The following ATRNL1 variants were observed in gnomAD, a reference collection of about 807,000 sequenced individuals.
ATRNL1 encodes attractin-like protein 1.
In ATRNL1, 95 loss-of-function variants were observed where a neutral mutation model predicts 182.7. The ratio of observed to expected loss-of-function variants is 0.52; its 90% CI spans 0.44 to 0.62. ATRNL1 has a LOEUF of 0.62. ATRNL1 is among the 20% of genes least tolerant of loss of function. The pLI is 0.00. For synonymous variants in ATRNL1, 576 were observed against 568.3 expected (o/e 1.01, Z -0.19); for missense variants, 1,471 against 1,679.5 (o/e 0.88, Z 2.17).
chr10:115,727,501 A>G, intron 27 of ATRNL1, 146 bp downstream of exon 27: 1 of 647,632 alleles, frequency 1.5e-6, no homozygotes, highest in Non-Finnish European at 2.7e-6. Flanking sequence ...GCCATTTTCA[A>G]GGCACATAGT....
In ATRNL1 at chr10:115,735,355, AT is replaced by A. The variant is rs527930413; in HGVS notation, c.3903+8002del. Among the ~76,000 whole-genome samples the A allele has an allele frequency of 1.5e-3, 230 of 152,298 alleles. 10 individuals carry two copies. The South Asian group carries it at 0.046, about 31-fold the overall frequency. ...TTCAGTGGGAGGGTCACACTCACACATTGTGTTCACGTGAAAATTGTTCTGA... is the reference window on the plus strand; with the variant it reads ...TTCAGTGGGAGGGTCACACTCACACATGTGTTCACGTGAAAATTGTTCTGA... On this transcript the variant is annotated intron_variant, in intron 27 of 28. Transcript: ENST00000355044.
chr10:115,641,217 CATTAT>C (rs1338592175), intron 26 of ATRNL1, among the ~76,000 whole-genome samples: 5 of 152,140 alleles, frequency 3.3e-5, no homozygotes, highest in Non-Finnish European at 7.4e-5. Flanking sequence ...ATAGTTGTAA[CATTAT>C]ATTAAAGCTT....
At chr10:115,609,351 C>T (rs764071430) in intron 26 of ATRNL1, among the ~76,000 whole-genome samples, 4 of 152,158 alleles carry the variant, frequency 2.6e-5, no homozygotes, top group Non-Finnish European at 4.4e-5. Context: ...CAAGGAAAGA[C>T]ACTCTGCTCT....
At chr10:115,288,858 T>G (rs2133945323) in intron 15 of ATRNL1, among the ~76,000 whole-genome samples, 1 of 152,250 alleles carries the variant, frequency 6.6e-6, no homozygotes, top group East Asian at 1.9e-4. Context: ...GTTCAGATCA[T>G]TTGTTCTTTT....
chr10:115,212,636 G>T (rs114165270), intron 8 of ATRNL1, among the ~76,000 whole-genome samples: 2 of 151,924 alleles, frequency 1.3e-5, no homozygotes, highest in African/African-American at 4.8e-5. Context: ...AGAAAATGTC[G>T]TACATATACA....
intron 5 of ATRNL1, among the ~76,000 whole-genome samples, chr10:115,151,740 G>T (rs1281886975): frequency 5.3e-5 from 8 of 152,128 alleles, no homozygotes; most frequent in Non-Finnish European, 1.2e-4. Flanking sequence ...TGTCAATTTT[G>T]GCTTTTGTTG....
At chr10:115,818,860 G>A (rs781834827) in intron 27 of ATRNL1, among the ~76,000 whole-genome samples, 32 of 152,014 alleles carry the variant, frequency 2.1e-4, no homozygotes, top group Admixed American at 1.3e-4. Flanking sequence ...CTAGTCACTG[G>A]CAAGACAAGG....
chr10:115,345,666 A>G (rs1855943313), intron 19 of ATRNL1, among the ~76,000 whole-genome samples: 1 of 152,174 alleles, frequency 6.6e-6, no homozygotes, highest in African/African-American at 2.4e-5. Context: ...GGAACCTTCT[A>G]TTCTGCTATC....
intron 26 of ATRNL1, among the ~76,000 whole-genome samples, chr10:115,558,814 C>G (rs1853482466): frequency 6.6e-6 from 1 of 151,906 alleles, no homozygotes; most frequent in South Asian, 2.1e-4. Flanking sequence ...TCTACTAATT[C>G]TCAGTAAGAA....
chr10:115,427,084 A>G (rs1845939207), intron 21 of ATRNL1, among the ~76,000 whole-genome samples: 1 of 152,190 alleles, frequency 6.6e-6, no homozygotes, highest in Non-Finnish European at 1.5e-5. Flanking sequence ...ACCATTTTAC[A>G]TTCCCACCAG....
chr10:115,394,591 A>T, intron 19 of ATRNL1, 68 bp from the exon 20 acceptor site: 1 of 1,200,750 alleles, frequency 8.3e-7, no homozygotes, highest in South Asian at 1.2e-5. Context: ...TAATAATAAT[A>T]CTTGAAATGT....
At chr10:115,272,687 T>G (rs1477071667) in intron 13 of ATRNL1, among the ~76,000 whole-genome samples, 2 of 152,198 alleles carry the variant, frequency 1.3e-5, no homozygotes, top group African/African-American at 4.8e-5. Flanking sequence ...GACTCAGAGC[T>G]TATATGGCTT....
At chr10:115,330,625 G>C (rs1425422282) in intron 18 of ATRNL1, among the ~76,000 whole-genome samples, 1 of 147,978 alleles carries the variant, frequency 6.8e-6, no homozygotes, top group Non-Finnish European at 1.5e-5. Context: ...GGTTTCTCCT[G>C]GTAACTCTCC....
At chr10:115,373,205 A>G (rs1343493502) in intron 19 of ATRNL1, among the ~76,000 whole-genome samples, 3 of 152,008 alleles carry the variant, frequency 2.0e-5, no homozygotes, top group African/African-American at 4.8e-5. Flanking sequence ...TGATTTTTGT[A>G]TGTTCATTTT....
At chr10:115,538,244 G>T (rs1852156123) in intron 25 of ATRNL1, among the ~76,000 whole-genome samples, 1 of 152,136 alleles carries the variant, frequency 6.6e-6, no homozygotes, top group East Asian at 1.9e-4. Context: ...TCACAGGGTG[G>T]ATGTATATTC....
intron 8 of ATRNL1, among the ~76,000 whole-genome samples, chr10:115,202,802 G>A (rs1281394176): frequency 1.7e-4 from 25 of 147,378 alleles, no homozygotes; most frequent in African/African-American, 5.8e-4. Flanking sequence ...GTTTCAGAAG[G>A]AATGGTACCA....
chr10:115,117,348 C>CT (rs1554870300), intron 1 of ATRNL1, among the ~76,000 whole-genome samples: 1 of 151,906 alleles, frequency 6.6e-6, no homozygotes, highest in Non-Finnish European at 1.5e-5. Flanking sequence ...CTCCTCCTCA[C>CT]TTTACCACTA....
chr10:115,127,579 T>G lies in ATRNL1; in HGVS notation c.492-14T>G, dbSNP rs1554873869. Reference sequence around the variant, plus strand: ...ATATCTATACATACAATATTCAGTTTTGTTCTCTTTTAGTGGTTTGATAGT... The same window carrying G: ...ATATCTATACATACAATATTCAGTTGTGTTCTCTTTTAGTGGTTTGATAGT... On this transcript the variant is annotated splice_polypyrimidine_tract_variant and intron_variant, in intron 3 of 28. Transcript: ENST00000355044. The G allele has an allele frequency of 1.9e-6, 3 of 1,600,904 alleles. No individual in the cohort carries two copies. The African/African-American group carries it at 4.0e-5, about 22-fold the overall frequency.
At chr10:115,448,857 A>G (rs1399013829) in intron 21 of ATRNL1, among the ~76,000 whole-genome samples, 1 of 139,574 alleles carries the variant, frequency 7.2e-6, no homozygotes, top group African/African-American at 2.9e-5. Context: ...GTGCCAACCA[A>G]CAACAACAAC....
Sources: gnomAD v4.1 joint callset for allele counts (sites outside exome capture counted in the v4.1 genomes callset) on GRCh38, gnomAD v4.1.1 for gene constraint, MANE v1.5 for transcripts, NCBI Gene and HGNC (gene_info 2026-07-23, HGNC 2026-07-21) for gene names.